The following GPATCH2 variants were observed in gnomAD, a reference collection of about 807,000 sequenced individuals.
The protein encoded by GPATCH2 is G-patch domain containing 2, also known as G patch domain-containing protein 2.
Under a neutral mutation model 58.0 loss-of-function variants are expected in GPATCH2, and 51 were observed. The ratio of observed to expected loss-of-function variants is 0.88; its 90% CI spans 0.70 to 1.11. The LOEUF is 1.11. Among genes scored for constraint, GPATCH2 ranks in the 50% most tolerant of loss-of-function variants. The pLI, the probability that GPATCH2 is intolerant of heterozygous loss-of-function variation, is 0.00. For synonymous variants in GPATCH2, 222 were observed against 218.5 expected (o/e 1.02, Z -0.14); for missense variants, 625 against 652.2 (o/e 0.96, Z 0.45).
intron 5 of GPATCH2, among the ~76,000 whole-genome samples, chr1:217,604,220 A>T (rs1668250649): frequency 6.6e-6 from 1 of 151,794 alleles, no homozygotes; most frequent in South Asian, 2.1e-4. Context: ...GCACAGTGGC[A>T]CACAAATGTA....
At chr1:217,523,981 G>A (rs1341950514) in intron 5 of GPATCH2, among the ~76,000 whole-genome samples, 3 of 137,186 alleles carry the variant, frequency 2.2e-5, no homozygotes, top group East Asian at 2.2e-4. Context: ...CGGACGGGGC[G>A]GCTGGCCGGG....
intron 5 of GPATCH2, chr1:217,608,804 C>T (rs1668483785): frequency 8.1e-6 from 8 of 984,782 alleles, no homozygotes; most frequent in Non-Finnish European, 9.6e-6. Flanking sequence ...AGCTTACTTA[C>T]AATTACCAAC....
intron 5 of GPATCH2, among the ~76,000 whole-genome samples, chr1:217,606,206 ATT>A (rs1668354961): frequency 6.6e-6 from 1 of 151,220 alleles, no homozygotes; most frequent in African/African-American, 2.4e-5. Flanking sequence ...CATTTAAGCT[ATT>A]CATTTAGCTT....
intron 8 of GPATCH2, among the ~76,000 whole-genome samples, chr1:217,470,219 T>C (rs973646006): frequency 1.3e-5 from 2 of 152,148 alleles, no homozygotes; most frequent in African/African-American, 4.8e-5. Context: ...GACCACAAAT[T>C]CATTTCAGTT....
chr1:217,569,122 TAA>T (rs879715276), intron 5 of GPATCH2, among the ~76,000 whole-genome samples: 1 of 145,510 alleles, frequency 6.9e-6, no homozygotes. Flanking sequence ...ATATTTACTT[TAA>T]AAAAAAAAAG....
At position 217,551,179 on chromosome 1, in the gene GPATCH2, A is replaced by G. The variant is rs1665342041; in HGVS notation, c.1099-36290T>C. Among the ~76,000 whole-genome samples the G allele has an allele frequency of 3.3e-5, 5 of 151,628 alleles. No individual in the cohort carries two copies. In the South Asian group the frequency reaches 1.0e-3, roughly 31 times the overall value. ...TCAGGAGTGCAAATCTGGTTATGTCAGAAACAGAAAAAGATGTATGGTCAG... is the reference window on the plus strand; with the variant it reads ...TCAGGAGTGCAAATCTGGTTATGTCGGAAACAGAAAAAGATGTATGGTCAG... On this transcript the variant is annotated intron_variant, in intron 5 of 9. Coordinates refer to ENST00000366935, the MANE Select transcript of GPATCH2 (RefSeq NM_018040.5).
chr1:217,433,526 A>G (rs1658656249), intron 9 of GPATCH2, among the ~76,000 whole-genome samples: 1 of 151,710 alleles, frequency 6.6e-6, no homozygotes, highest in Admixed American at 6.6e-5. Context: ...CCTCCCGAGT[A>G]CCTGGGATTA....
chr1:217,530,092 T>C (rs1485461027), intron 5 of GPATCH2, among the ~76,000 whole-genome samples: 5 of 152,122 alleles, frequency 3.3e-5, no homozygotes, highest in Admixed American at 6.5e-5. Flanking sequence ...TAATATGGAG[T>C]CCTAGCAGTA....
chr1:217,607,285 C>G (rs1435311674), intron 5 of GPATCH2, among the ~76,000 whole-genome samples: 2 of 152,202 alleles, frequency 1.3e-5, no homozygotes, highest in Non-Finnish European at 2.9e-5. Flanking sequence ...AGAGGTCAGT[C>G]AGGTGACTTT....
At chr1:217,491,127 T>C (rs569636274) in intron 8 of GPATCH2, among the ~76,000 whole-genome samples, 1 of 152,314 alleles carries the variant, frequency 6.6e-6, no homozygotes, top group South Asian at 2.1e-4. Flanking sequence ...GGTAGCCATT[T>C]TCATCTAAAC....
intron 7 of GPATCH2, among the ~76,000 whole-genome samples, chr1:217,495,995 A>G (rs1661988119): frequency 6.6e-6 from 1 of 152,232 alleles, no homozygotes; most frequent in Admixed American, 6.5e-5. Context: ...AGTTGGTATG[A>G]GAAAAGCATA....
chr1:217,569,074 C>A (rs1558491737), intron 5 of GPATCH2, among the ~76,000 whole-genome samples: 1 of 150,444 alleles, frequency 6.6e-6, no homozygotes, highest in Non-Finnish European at 1.5e-5. Context: ...AGGATGACAG[C>A]AAGGTTTATA....
intron 8 of GPATCH2, among the ~76,000 whole-genome samples, chr1:217,464,246 A>C (rs1660336934): frequency 6.6e-6 from 1 of 152,146 alleles, no homozygotes; most frequent in South Asian, 2.1e-4. Context: ...GGACACCAAT[A>C]CCTAGCCAAC....
At chr1:217,465,727 T>A (rs921280936) in intron 8 of GPATCH2, among the ~76,000 whole-genome samples, 1 of 152,226 alleles carries the variant, frequency 6.6e-6, no homozygotes, top group Non-Finnish European at 1.5e-5. Context: ...CAATTAAATC[T>A]CTTTCTTCCC....
At chr1:217,544,268 C>A (rs544248296) in intron 5 of GPATCH2, among the ~76,000 whole-genome samples, 3 of 152,142 alleles carry the variant, frequency 2.0e-5, no homozygotes, top group Non-Finnish European at 2.9e-5. Context: ...GTGGTACAAG[C>A]CTCTAATCCC....
At chr1:217,455,640 C>A (rs558570210) in intron 8 of GPATCH2, among the ~76,000 whole-genome samples, 44 of 152,130 alleles carry the variant, frequency 2.9e-4, no homozygotes, top group African/African-American at 1.0e-3. Context: ...TTCCTATGTG[C>A]CTAGTGTGAG....
chr1:217,574,947 A>G (rs956894682), intron 5 of GPATCH2, among the ~76,000 whole-genome samples: 2 of 152,156 alleles, frequency 1.3e-5, no homozygotes, highest in Non-Finnish European at 2.9e-5. Context: ...ATGAAAGATC[A>G]TTTTTTCACT....
chr1:217,532,640 C>A (rs1347734743), intron 5 of GPATCH2, among the ~76,000 whole-genome samples: 1 of 152,026 alleles, frequency 6.6e-6, no homozygotes, highest in East Asian at 1.9e-4. Context: ...GGAAGAGGAA[C>A]CCCTGCTGAC....
In GPATCH2 at chr1:217,429,283, G is replaced by T. The variant is rs993313757; in HGVS notation, c.*1862C>A. On this transcript the variant is annotated 3_prime_UTR_variant, in exon 10 of 10. Coordinates refer to ENST00000366935, the MANE Select transcript of GPATCH2 (RefSeq NM_018040.5). Reference sequence around the variant, plus strand: ...CTTGTAGAAAGTAATGATACCATGGGGTTACTTTATCCAGTAAGAATGCTT... The same window carrying T: ...CTTGTAGAAAGTAATGATACCATGGTGTTACTTTATCCAGTAAGAATGCTT... 1.3e-5 allele frequency: 2 copies of T among 152,024 alleles called. No homozygotes were observed. Among genetic ancestry groups the T allele is most frequent in the Admixed American group, 1.3e-4 (2 of 15,272 alleles). The allele number at this position is 152,024 out of a possible 1,614,324, so 9.4% of individuals were successfully genotyped here.
Sources: gnomAD v4.1 joint callset for allele counts (sites outside exome capture counted in the v4.1 genomes callset) on GRCh38, gnomAD v4.1.1 for gene constraint, MANE v1.5 for transcripts, NCBI Gene and HGNC (gene_info 2026-07-23, HGNC 2026-07-21) for gene names.